Variants in NDUFA10 observed in about 807,000 individuals in gnomAD.
NDUFA10 encodes the protein NADH dehydrogenase [ubiquinone] 1 alpha subcomplex subunit 10, mitochondrial.
A neutral mutation model predicts 47.8 loss-of-function variants in NDUFA10; 40 were observed. The observed-to-expected ratio is 0.84, with a 90% CI of 0.65 to 1.09. NDUFA10 has a LOEUF of 1.09. Among genes scored for constraint, NDUFA10 ranks in the 50% least tolerant of loss-of-function variants. NDUFA10 has a pLI of 0.00. For missense variants in NDUFA10, 413 were observed against 451.1 expected (o/e 0.92, Z 0.76); for synonymous variants, 183 against 172.2 (o/e 1.06, Z -0.49).
chr2:239,971,285 G>C (rs981320685), intron 9 of NDUFA10, among the ~76,000 whole-genome samples: 5 of 152,202 alleles, frequency 3.3e-5, no homozygotes, highest in Admixed American at 2.6e-4. Flanking sequence ...CAGGTACATC[G>C]CAAGGGTCTC....
At position 239,957,915 on chromosome 2, in the gene NDUFA10, T is replaced by C. The variant is rs973873355; in HGVS notation, c.*3203A>G. ...AGCTCGCTGCTTCGAGTCACACACG[T>C]GTTGCTGTTATAAGGTCCTTTGCTT... is the stretch of plus-strand genomic sequence containing the variant. On this transcript the variant is annotated 3_prime_UTR_variant, in exon 10 of 10. Transcript: ENST00000252711. 1 of 152,232 alleles carries C rather than the reference T, an allele frequency of 6.6e-6. No individual in the cohort carries two copies. The highest frequency in any genetic ancestry group is 6.5e-5 in the Admixed American group (1 of 15,288). The allele number at this position is 152,232 out of a possible 1,614,324, so 9.4% of individuals were successfully genotyped here.
chr2:239,991,214 C>T (rs1478984698), intron 8 of NDUFA10, among the ~76,000 whole-genome samples: 1 of 152,108 alleles, frequency 6.6e-6, no homozygotes, highest in Non-Finnish European at 1.5e-5. Context: ...CAGACAGCCA[C>T]AGAGCTGCGA....
downstream of NDUFA10, among the ~76,000 whole-genome samples, chr2:239,955,683 G>A (rs192367922): frequency 3.3e-5 from 5 of 152,264 alleles, no homozygotes; most frequent in East Asian, 1.9e-4. Context: ...TGAGGGGGCC[G>A]CAGGACAGAC....
chr2:240,021,043 C>A, intron 3 of NDUFA10, 154 bp downstream of exon 3: 2 of 698,186 alleles, frequency 2.9e-6, no homozygotes, highest in Non-Finnish European at 5.1e-6. Flanking sequence ...AAAAATAACA[C>A]AATCTCAAGA....
intron 8 of NDUFA10, among the ~76,000 whole-genome samples, chr2:240,004,294 A>C (rs1036031249): frequency 6.6e-6 from 1 of 152,152 alleles, no homozygotes; most frequent in Non-Finnish European, 1.5e-5. Flanking sequence ...GTTTCAATAG[A>C]GTGGTGCAGA....
chr2:239,960,030 A>C lies in NDUFA10; in HGVS notation c.*1088T>G. On this transcript the variant is annotated 3_prime_UTR_variant, in exon 10 of 10. Coordinates refer to ENST00000252711, the MANE Select transcript of NDUFA10 (RefSeq NM_004544.4). ...GCCTGAACTATGGCCAGTGCAACCA[A>C]GGAACCCAATTTTAAACTCTATTAC... is the stretch of plus-strand genomic sequence containing the variant. The C allele has an allele frequency of 2.0e-6, 2 of 984,992 alleles. No homozygotes were observed. Among genetic ancestry groups the C allele is most frequent in the Non-Finnish European group, 2.4e-6 (2 of 829,500 alleles). 61.0% of individuals were successfully genotyped at this position (984,992 alleles called of 1,614,324 possible). A position where few individuals can be genotyped will look rare whatever the true frequency, so the allele number is the denominator to read the frequency against.
intron 4 of NDUFA10, among the ~76,000 whole-genome samples, chr2:239,932,063 T>C (rs1455217340): frequency 6.6e-6 from 1 of 151,502 alleles, no homozygotes; most frequent in East Asian, 1.9e-4. Flanking sequence ...CTCAATCTCC[T>C]GACCTCGTGA....
chr2:240,014,514 G>T, intron 5 of NDUFA10: 2 of 610,764 alleles, frequency 3.3e-6, no homozygotes, highest in Non-Finnish European at 5.8e-6. Context: ...CAGTGGGACC[G>T]CAGAGCACTG....
At chr2:240,000,784 G>C (rs992367589) in intron 8 of NDUFA10, among the ~76,000 whole-genome samples, 2 of 152,162 alleles carry the variant, frequency 1.3e-5, no homozygotes, top group African/African-American at 4.8e-5. Context: ...TGTTACAACT[G>C]CCAACAGTAT....
intron 4 of NDUFA10, among the ~76,000 whole-genome samples, chr2:239,900,931 G>A (rs1406526694): frequency 6.6e-6 from 1 of 152,234 alleles, no homozygotes; most frequent in Non-Finnish European, 1.5e-5. Context: ...TGGAGACGCT[G>A]CAGCAAGTTA....
At chr2:239,917,714 C>G (rs1048943031) in intron 4 of NDUFA10, among the ~76,000 whole-genome samples, 3 of 152,246 alleles carry the variant, frequency 2.0e-5, no homozygotes, top group South Asian at 2.1e-4. Flanking sequence ...TAGCCCACCC[C>G]CTTTTTGAAG....
chr2:239,892,949 G>C (rs1232014785), intron 5 of NDUFA10, among the ~76,000 whole-genome samples: 1 of 152,224 alleles, frequency 6.6e-6, no homozygotes, highest in Admixed American at 6.5e-5. Context: ...CGGTGAGGCT[G>C]TTAGCCCCCC....
Position 239,945,670 on chromosome 2 carries a change from T to G in NDUFA10, c.294+44404A>C, listed in dbSNP as rs1694440477. Among the ~76,000 whole-genome samples, 1 of 152,230 alleles carries G rather than the reference T, an allele frequency of 6.6e-6. No individual in the cohort carries two copies. Among genetic ancestry groups the G allele is most frequent in the African/African-American group, 2.4e-5 (1 of 41,460 alleles). On this transcript the variant is annotated intron_variant, in intron 4 of 5. Transcript: ENST00000419408. This position sits in a 1 kb window ranked among gnomAD's most constrained non-coding sequence, Gnocchi z 4.6. Reference sequence around the variant, plus strand: ...ATTGGCCCTGGGATGAAAACCAGCATGTCAGAGCAGAAGCATCTCCAGAGC... The same window carrying G: ...ATTGGCCCTGGGATGAAAACCAGCAGGTCAGAGCAGAAGCATCTCCAGAGC...
intron 4 of NDUFA10, among the ~76,000 whole-genome samples, chr2:239,926,898 C>T (rs533344522): frequency 9.9e-5 from 15 of 152,196 alleles, no homozygotes; most frequent in African/African-American, 3.1e-4. Context: ...TGGTGGAGAG[C>T]GAAGGGGAAG....
chr2:239,977,471 C>A (rs1368761762), intron 9 of NDUFA10, among the ~76,000 whole-genome samples: 1 of 152,204 alleles, frequency 6.6e-6, no homozygotes, highest in Non-Finnish European at 1.5e-5. Flanking sequence ...CCAGGCCCTT[C>A]ACGCAGGTGA....
intron 4 of NDUFA10, among the ~76,000 whole-genome samples, chr2:239,907,122 G>A (rs13402257): frequency 0.17 from 25,615 of 152,064 alleles, 2,201 homozygotes; most frequent in South Asian, 0.2. Context: ...ACAACCATCC[G>A]ATCTGTGACA....
intron 9 of NDUFA10, chr2:239,973,507 G>A (rs1369743675): frequency 2.1e-6 from 1 of 470,896 alleles, no homozygotes; most frequent in Non-Finnish European, 4.4e-6. Flanking sequence ...AAAATAGCAG[G>A]CGAGAAAACA....
At chr2:239,915,348 G>C (rs928215655) in intron 4 of NDUFA10, among the ~76,000 whole-genome samples, 3 of 137,258 alleles carry the variant, frequency 2.2e-5, no homozygotes, top group Non-Finnish European at 3.1e-5. Context: ...GACATACTCA[G>C]ACACACACAA....
intron 4 of NDUFA10, among the ~76,000 whole-genome samples, chr2:239,921,038 C>A (rs12328768): frequency 0.18 from 27,114 of 152,108 alleles, 2,806 homozygotes; most frequent in African/African-American, 0.29. Context: ...ACAGAGCAAC[C>A]AAGAGCCAGA....
Sources: gnomAD v4.1 joint callset for allele counts (sites outside exome capture counted in the v4.1 genomes callset) on GRCh38, gnomAD v4.1.1 for gene constraint, Gnocchi (gnomAD v3.1) non-coding constraint, MANE v1.5 for transcripts, NCBI Gene and HGNC (gene_info 2026-07-23, HGNC 2026-07-21) for gene names.